The following EIF4E2 variants were observed in gnomAD, a reference collection of about 807,000 sequenced individuals.
EIF4E2 encodes eukaryotic translation initiation factor 4E family member 2.
Under a neutral mutation model 34.2 loss-of-function variants are expected in EIF4E2, and 13 were observed. The ratio of observed to expected loss-of-function variants is 0.38; its 90% CI spans 0.25 to 0.60. EIF4E2 has a LOEUF of 0.60. Among genes scored for constraint, EIF4E2 ranks in the 20% least tolerant of loss-of-function variants. The pLI is 0.62. For synonymous variants in EIF4E2, 100 were observed against 106.6 expected (o/e 0.94, Z 0.38); for missense variants, 222 against 315.1 (o/e 0.70, Z 2.24).
chr2:232,567,136 T>C lies in EIF4E2; in HGVS notation c.587T>C (p.Ile196Thr). The C allele has an allele frequency of 6.2e-7, 1 of 1,614,206 alleles. No individual in the cohort carries two copies. Among genetic ancestry groups the C allele is most frequent in the Non-Finnish European group, 8.5e-7 (1 of 1,180,042 alleles). The change falls in exon 6 of 7, where the codon ATC becomes ACC. Residue 196 changes from isoleucine (I) to threonine (T), a missense_variant. Coordinates refer to ENST00000258416, the MANE Select transcript of EIF4E2 (RefSeq NM_004846.4). The part of the protein sequence containing the change: ...TASDQATTAR[I>T]RDTLRRVLNL... ...AGTGACCAAGCAACCACAGCCCGAA[T>C]CCGGGACACACTTCGGCGAGTGCTT...
chr2:232,566,652 CT>C lies in EIF4E2; in HGVS notation c.376-170del, dbSNP rs1272165338. Among the ~76,000 whole-genome samples, 1 of 152,070 alleles carries C rather than the reference CT, an allele frequency of 6.6e-6. No homozygotes were observed. The highest frequency in any genetic ancestry group is 2.4e-5 in the African/African-American group (1 of 41,404). On this transcript the variant is annotated intron_variant, in intron 4 of 6. Transcript: ENST00000258416. This position sits in a 1 kb window ranked among gnomAD's most constrained non-coding sequence, Gnocchi z 4.9. ...TGCCAAGGATCCCAGCCTTGTTTTT[CT>C]TTTTTTCCCCATTTCTTCTCTCCCT... is the stretch of plus-strand genomic sequence containing the variant.
At chr2:232,568,917 A>G (rs774411716) in intron 6 of EIF4E2, 28 bp from the exon 7 acceptor site, 8 of 1,613,904 alleles carry the variant, frequency 5.0e-6, no homozygotes, top group Admixed American at 3.3e-5. Flanking sequence ...TCCTCTCCCA[A>G]TGAGCCAACC....
intron 2 of EIF4E2, among the ~76,000 whole-genome samples, chr2:232,557,062 T>C (rs192840593): frequency 2.8e-4 from 42 of 152,262 alleles, no homozygotes; most frequent in African/African-American, 9.9e-4. Flanking sequence ...CTGGCCAACA[T>C]GGTAAAACCC....
chr2:232,566,061 C>T lies in EIF4E2; in HGVS notation c.376-768C>T, dbSNP rs1481544281. On this transcript the variant is annotated intron_variant, in intron 4 of 6. Transcript: ENST00000258416. The surrounding 1 kb of genome is among the most constrained non-coding windows in gnomAD (Gnocchi z 4.9). ...GAGCCGATATCGCACCACTGCACTCCAGACTGGGTGACAGCGGGAGACTCC... is the reference window on the plus strand; with the variant it reads ...GAGCCGATATCGCACCACTGCACTCTAGACTGGGTGACAGCGGGAGACTCC... Among the ~76,000 whole-genome samples the T allele has an allele frequency of 6.6e-6, 1 of 151,058 alleles. No individual in the cohort carries two copies. The highest frequency in any genetic ancestry group is 2.4e-5 in the African/African-American group (1 of 41,004).
chr2:232,550,839 C>G (rs1692281694), intron 1 of EIF4E2, 95 bp downstream of exon 1: 8 of 1,236,456 alleles, frequency 6.5e-6, no homozygotes, highest in Non-Finnish European at 8.9e-6. Context: ...CCCTGCGGCA[C>G]CGGCTTCCCT....
Position 232,567,165 on chromosome 2 carries a change from C to G in EIF4E2, c.616C>G (p.Leu206Val). 6.2e-7 allele frequency: 1 copy of G among 1,614,192 alleles called. No individual in the cohort carries two copies. Among genetic ancestry groups the G allele is most frequent in the Non-Finnish European group, 8.5e-7 (1 of 1,180,030 alleles). ...GGACACACTTCGGCGAGTGCTTAACCTACCTCCCAACACCATTATGGAATA... is the reference window on the plus strand; with the variant it reads ...GGACACACTTCGGCGAGTGCTTAACGTACCTCCCAACACCATTATGGAATA... Reference protein sequence around the residue: ...IRDTLRRVLNLPPNTIMEYKT... With the variant: ...IRDTLRRVLNVPPNTIMEYKT... The change falls in exon 6 of 7, where the codon CTA (leucine) becomes GTA (valine). Residue 206 changes from leucine to valine, a missense_variant. Leu to Val is a conservative substitution (Grantham distance 32). This residue lies in a region of EIF4E2 where 105 missense variants were observed against 195.1 expected (regional missense o/e 0.54). Transcript: ENST00000258416.
At chr2:232,557,262 A>G (rs1402971837) in intron 2 of EIF4E2, among the ~76,000 whole-genome samples, 1 of 152,178 alleles carries the variant, frequency 6.6e-6, no homozygotes. Flanking sequence ...AAACAAAGAA[A>G]TATCAAAGCA....
chr2:232,578,390 T>C (rs1421535633), intron 6 of EIF4E2, among the ~76,000 whole-genome samples: 1 of 152,184 alleles, frequency 6.6e-6, no homozygotes, highest in Non-Finnish European at 1.5e-5. Context: ...CCCAGCACTT[T>C]GGGAGTCTGA....
chr2:232,576,633 G>A (rs1693228566), intron 6 of EIF4E2, among the ~76,000 whole-genome samples: 2 of 152,100 alleles, frequency 1.3e-5, no homozygotes, highest in Admixed American at 6.6e-5. Context: ...AAGTAGGGGG[G>A]AAAAATGAAT....
At chr2:232,577,173 CCT>C (rs1453690866) in intron 6 of EIF4E2, among the ~76,000 whole-genome samples, 1 of 152,196 alleles carries the variant, frequency 6.6e-6, no homozygotes, top group East Asian at 1.9e-4. Flanking sequence ...CTGGAATTTG[CCT>C]CACTGAAACT....
At chr2:232,552,693 T>C (rs969042632) in intron 1 of EIF4E2, among the ~76,000 whole-genome samples, 32 of 149,272 alleles carry the variant, frequency 2.1e-4, no homozygotes, top group African/African-American at 7.7e-4. Context: ...TCTTTTTTTT[T>C]CTTACCTCTT....
At position 232,566,781 on chromosome 2, in the gene EIF4E2, A is replaced by C. The variant is rs1207757917; in HGVS notation, c.376-48A>C. ...CTTTTTACTGCCTTCATACAAAAAA[A>C]GGCTGTGAAACCATATTTTAACTTC... On this transcript the variant is annotated intron_variant, in intron 4 of 6. Coordinates refer to ENST00000258416, the MANE Select transcript of EIF4E2 (RefSeq NM_004846.4). The surrounding 1 kb of genome is among the most constrained non-coding windows in gnomAD (Gnocchi z 4.9). 2 of 1,607,230 alleles carry C rather than the reference A, an allele frequency of 1.2e-6. No individual in the cohort carries two copies. The highest frequency in any genetic ancestry group is 8.5e-7 in the Non-Finnish European group (1 of 1,177,302).
At chr2:232,565,621 G>A (rs1408247866) in intron 4 of EIF4E2, among the ~76,000 whole-genome samples, 4 of 151,504 alleles carry the variant, frequency 2.6e-5, no homozygotes, top group South Asian at 2.1e-4. Context: ...GTGACAGAGC[G>A]AGACTCCATC....
chr2:232,558,266 T>G (rs1692594153), intron 3 of EIF4E2: 2 of 343,706 alleles, frequency 5.8e-6, no homozygotes, highest in Non-Finnish European at 1.0e-5. Context: ...AAGAACAGAT[T>G]TGGGTTTTTT....
chr2:232,552,509 C>T (rs1251095283), intron 1 of EIF4E2, among the ~76,000 whole-genome samples: 1 of 152,210 alleles, frequency 6.6e-6, no homozygotes, highest in Non-Finnish European at 1.5e-5. Flanking sequence ...CACCCCCAGC[C>T]TCATATGTTA....
chr2:232,566,970 G>C lies in EIF4E2; in HGVS notation c.517G>C (p.Val173Leu). 1 of 1,594,966 alleles carries C rather than the reference G, an allele frequency of 6.3e-7. No homozygotes were observed. The change falls in exon 5 of 7, where the codon GTC becomes CTC. Residue 173 changes from valine to leucine, a missense_variant. Physicochemically the swap from Val to Leu is conservative, Grantham distance 32 (BLOSUM62 1). This residue lies in a region of EIF4E2 where 105 missense variants were observed against 195.1 expected (regional missense o/e 0.54). Coordinates refer to ENST00000258416, the MANE Select transcript of EIF4E2 (RefSeq NM_004846.4). This position sits in a 1 kb window ranked among gnomAD's most constrained non-coding sequence, Gnocchi z 4.9. ...GGAGATCTGTGGGGCTGTGGTGTCT[G>C]TCCGCTTTCAGGTAAGCCACCCATG... ...GEEICGAVVS[V>L]RFQEDIISIW...
At chr2:232,559,824 T>TA (rs576233672) in intron 3 of EIF4E2, among the ~76,000 whole-genome samples, 495 of 115,466 alleles carry the variant, frequency 4.3e-3, no homozygotes, top group South Asian at 0.024. Flanking sequence ...ACGGGAGCAT[T>TA]AAAAAAAAAA....
rs1258808988 is a variant in EIF4E2, at chr2:232,566,924, G to A, written c.471G>A (p.Gly157=). ...CWENLILAML[G]EQFMVGEEIC... Reference sequence around the variant, plus strand: ...AGAATCTCATTTTGGCCATGCTGGGGGAACAGTTCATGGTTGGGGAGGAGA... The same window carrying A: ...AGAATCTCATTTTGGCCATGCTGGGAGAACAGTTCATGGTTGGGGAGGAGA... The change falls in exon 5 of 7, where the codon GGG becomes GGA. Residue 157 remains glycine, a synonymous_variant. Coordinates refer to ENST00000258416, the MANE Select transcript of EIF4E2 (RefSeq NM_004846.4). This position sits in a 1 kb window ranked among gnomAD's most constrained non-coding sequence, Gnocchi z 4.9. 3.1e-6 allele frequency: 5 copies of A among 1,612,188 alleles called. No homozygotes were observed. The highest frequency in any genetic ancestry group is 1.7e-4 in the Middle Eastern group (1 of 6,050).
In EIF4E2 at chr2:232,581,890, A is replaced by C. The variant is rs1261351638; in HGVS notation, c.*947A>C. The C allele has an allele frequency of 2.0e-5, 3 of 152,248 alleles. No individual in the cohort carries two copies. The highest frequency in any genetic ancestry group is 1.3e-4 in the Admixed American group (2 of 15,280). 9.4% of individuals were successfully genotyped at this position (152,248 alleles called of 1,614,324 possible). A position where few individuals can be genotyped will look rare whatever the true frequency, so the allele number is the denominator to read the frequency against. On this transcript the variant is annotated 3_prime_UTR_variant, in exon 7 of 7. Coordinates refer to the EIF4E2 transcript ENST00000409098. The surrounding 1 kb of genome is among the most constrained non-coding windows in gnomAD (Gnocchi z 5.2). ...TAACACTTAATATGCAAATTCTATCATCCTGAAACTGGGGCATCTGAGGAA... is the reference window on the plus strand; with the variant it reads ...TAACACTTAATATGCAAATTCTATCCTCCTGAAACTGGGGCATCTGAGGAA...
Sources: allele counts gnomAD v4.1 joint callset (sites outside exome capture counted in the v4.1 genomes callset), GRCh38; gene constraint gnomAD v4.1.1; regional missense constraint gnomAD v4.1.1; non-coding constraint Gnocchi (gnomAD v3.1); transcripts MANE v1.5; gene names NCBI Gene and HGNC (gene_info 2026-07-23, HGNC 2026-07-21).